Variants in SLC4A4 observed in about 807,000 individuals in gnomAD.
SLC4A4 encodes electrogenic sodium bicarbonate cotransporter 1.
A neutral mutation model predicts 111.5 loss-of-function variants in SLC4A4; 27 were observed. That is an observed-to-expected ratio of 0.24 (90% CI 0.18 to 0.33). The LOEUF (loss-of-function observed/expected upper bound fraction) is 0.33. Ranked by LOEUF, SLC4A4 falls within the 10% of genes least tolerant of loss-of-function variation. The probability of loss-of-function intolerance (pLI) is 1.00; values close to 1 mark genes in which losing one functional copy is unlikely to be tolerated. For synonymous variants in SLC4A4, 443 were observed against 463.4 expected (o/e 0.96, Z 0.57); for missense variants, 909 against 1,315.5 (o/e 0.69, Z 4.78).
chr4:71,411,810 A>G lies in SLC4A4; in HGVS notation c.807+14157A>G, dbSNP rs561867845. 9.2e-5 allele frequency among the ~76,000 whole-genome samples: 14 copies of G among 152,306 alleles called. No individual in the cohort carries two copies. In the East Asian group the frequency reaches 2.5e-3, roughly 27 times the overall value. ...CTACGTTTTATTTTCTGAGCAGGGC[A>G]CTTCATTGTAATGTGGCATCTATAG... On this transcript the variant is annotated intron_variant, in intron 7 of 25. Coordinates refer to ENST00000264485, the MANE Select transcript of SLC4A4 (RefSeq NM_001098484.3).
intron 7 of SLC4A4, among the ~76,000 whole-genome samples, chr4:71,438,286 G>A (rs747930265): frequency 6.6e-6 from 1 of 152,162 alleles, no homozygotes; most frequent in Non-Finnish European, 1.5e-5. Flanking sequence ...AACTAAGTAC[G>A]ATAGATGCAA....
At chr4:71,404,971 T>G (rs112650397) in intron 7 of SLC4A4, among the ~76,000 whole-genome samples, 1,730 of 151,630 alleles carry the variant, frequency 0.011, 28 homozygotes, top group African/African-American at 0.037. Flanking sequence ...AATTTTTTTT[T>G]TGTGTATATA....
intron 3 of SLC4A4, among the ~76,000 whole-genome samples, chr4:71,318,695 C>A (rs902359691): frequency 6.6e-6 from 1 of 151,944 alleles, no homozygotes; most frequent in African/African-American, 2.4e-5. Flanking sequence ...AAGAACTAGG[C>A]ATTGGCCAGC....
chr4:71,109,507 A>G (rs1743032045), intron 2 of SLC4A4, among the ~76,000 whole-genome samples: 1 of 151,812 alleles, frequency 6.6e-6, no homozygotes, highest in Admixed American at 6.6e-5. Flanking sequence ...GGTCCCTGAT[A>G]TTTGGAGGAC....
At chr4:71,194,207 A>G (rs1051978801) in intron 1 of SLC4A4, among the ~76,000 whole-genome samples, 1 of 152,230 alleles carries the variant, frequency 6.6e-6, no homozygotes, top group Non-Finnish European at 1.5e-5. Context: ...AAATAATTAT[A>G]AAACCTCATT....
At chr4:71,087,566 AC>A (rs1395922199) in intron 1 of SLC4A4, among the ~76,000 whole-genome samples, 9 of 151,934 alleles carry the variant, frequency 5.9e-5, no homozygotes, top group African/African-American at 1.9e-4. Context: ...CCCCCTACAC[AC>A]TGCTTTGAAT....
intron 3 of SLC4A4, among the ~76,000 whole-genome samples, chr4:71,259,795 G>A (rs979090045): frequency 3.3e-5 from 5 of 152,128 alleles, no homozygotes; most frequent in Admixed American, 6.5e-5. Context: ...AGTGTCCAGG[G>A]ATACTTATGG....
intron 7 of SLC4A4, chr4:71,437,604 C>A (rs2149051750): frequency 1.9e-6 from 1 of 521,962 alleles, no homozygotes; most frequent in East Asian, 5.5e-5. Flanking sequence ...TCTCACCCTT[C>A]AATTTGCCTT....
intron 15 of SLC4A4, among the ~76,000 whole-genome samples, chr4:71,495,730 T>C (rs1008562318): frequency 6.6e-6 from 1 of 152,162 alleles, no homozygotes; most frequent in African/African-American, 2.4e-5. Context: ...GGTAGAACTC[T>C]TGTCTTCAAA....
chr4:71,067,159 A>T lies in SLC4A4; in HGVS notation c.-65+4371A>T, dbSNP rs143360566. Among the ~76,000 whole-genome samples, 285 of 152,326 alleles carry T rather than the reference A, an allele frequency of 1.9e-3. 2 individuals are homozygous for T. The highest frequency in any genetic ancestry group is 6.7e-3 in the African/African-American group (277 of 41,576). ...AAAAAATAGTGTGAAAAGCAGTTCA[A>T]ATGTATTTTCTTAGTACTACCATAG... On this transcript the variant is annotated intron_variant, in intron 1 of 26. Transcript: ENST00000649996.
intron 2 of SLC4A4, among the ~76,000 whole-genome samples, chr4:71,168,969 C>T (rs968935517): frequency 6.6e-6 from 1 of 151,936 alleles, no homozygotes; most frequent in African/African-American, 2.4e-5. Context: ...GGGGTATATA[C>T]CTAGGAGTGG....
At chr4:71,130,788 C>T (rs1333759214) in intron 2 of SLC4A4, among the ~76,000 whole-genome samples, 1 of 152,120 alleles carries the variant, frequency 6.6e-6, no homozygotes, top group South Asian at 2.1e-4. Context: ...TAACATAAGT[C>T]TATGCAAATA....
intron 5 of SLC4A4, among the ~76,000 whole-genome samples, chr4:71,351,249 T>G (rs1307252293): frequency 2.6e-5 from 4 of 152,226 alleles, no homozygotes; most frequent in Admixed American, 6.5e-5. Flanking sequence ...GCTGGATCCC[T>G]GTCCCACCCA....
intron 11 of SLC4A4, 150 bp downstream of exon 11, chr4:71,451,451 T>C: frequency 1.4e-6 from 1 of 706,864 alleles, no homozygotes; most frequent in Non-Finnish European, 2.6e-6. Context: ...ACTGGGAATA[T>C]AGCAGTGAAT....
At chr4:71,179,272 G>A (rs1200177193) in intron 2 of SLC4A4, among the ~76,000 whole-genome samples, 4 of 152,248 alleles carry the variant, frequency 2.6e-5, no homozygotes, top group East Asian at 1.9e-4. Flanking sequence ...AAAACTGGAA[G>A]CATTCCCTTT....
At chr4:71,401,377 CA>C (rs550849170) in intron 7 of SLC4A4, among the ~76,000 whole-genome samples, 65 of 152,268 alleles carry the variant, frequency 4.3e-4, no homozygotes, top group African/African-American at 1.5e-3. Flanking sequence ...ATGCTTCAAC[CA>C]TATTCCAACT....
chr4:71,244,972 T>C (rs1300846035), intron 2 of SLC4A4, among the ~76,000 whole-genome samples: 2 of 152,132 alleles, frequency 1.3e-5, no homozygotes, highest in Non-Finnish European at 1.5e-5. Context: ...TAGAGATGTA[T>C]CACATACGTA....
chr4:71,484,669 T>C (rs1305391058), intron 14 of SLC4A4, among the ~76,000 whole-genome samples: 1 of 151,712 alleles, frequency 6.6e-6, no homozygotes. Context: ...TTTAAAATAG[T>C]TTTTTCTACT....
chr4:71,239,007 T>A (rs915040643), intron 2 of SLC4A4, among the ~76,000 whole-genome samples: 2 of 152,148 alleles, frequency 1.3e-5, no homozygotes, highest in African/African-American at 4.8e-5. Context: ...TATGAGTCCA[T>A]CTCATATTTT....
Sources: allele counts gnomAD v4.1 joint callset (sites outside exome capture counted in the v4.1 genomes callset), GRCh38; gene constraint gnomAD v4.1.1; transcripts MANE v1.5; gene names NCBI Gene and HGNC (gene_info 2026-07-23, HGNC 2026-07-21).